Variants in TTN observed in about 807,000 individuals in gnomAD.
The protein encoded by TTN is connectin.
TTN carries 1,525 observed loss-of-function variants against 3,223.0 expected under a neutral mutation model. The observed-to-expected ratio is 0.47, with a 90% CI of 0.45 to 0.49. TTN has a LOEUF of 0.49. Among genes scored for constraint, TTN ranks in the 20% least tolerant of loss-of-function variants. The pLI is 0.00. For synonymous variants in TTN, 14,094 were observed against 15,161.0 expected (o/e 0.93, Z 5.17); for missense variants, 40,786 against 43,424.0 (o/e 0.94, Z 5.40).
Position 178,684,081 on chromosome 2 carries a change from C to G in TTN, c.32724G>C (p.Val10908=). 6.2e-7 allele frequency: 1 copy of G among 1,612,012 alleles called. No homozygotes were observed. Among genetic ancestry groups the G allele is most frequent in the Non-Finnish European group, 8.5e-7 (1 of 1,179,056 alleles). Residue 10908 remains valine, a splice_region_variant and synonymous_variant, in exon 133 of 363, where the codon GTG becomes GTC. Coordinates refer to ENST00000589042, the MANE Select transcript of TTN (RefSeq NM_001267550.2). ...GGACAGCTCTCTTCGGTTCCTCTGGCACTTTAAAGAGAGATTTCACTTTAA... is the reference window on the plus strand; with the variant it reads ...GGACAGCTCTCTTCGGTTCCTCTGGGACTTTAAAGAGAGATTTCACTTTAA... ...TKKEAPPKAR[V]PEEPKRAVPE...
rs764481603 is a variant in TTN at position 178,551,028 on chromosome 2, A to G, written c.91503T>C (p.Ala30501=). The G allele has an allele frequency of 2.5e-6, 4 of 1,613,488 alleles. No homozygotes were observed. Among genetic ancestry groups the G allele is most frequent in the Non-Finnish European group, 3.4e-6 (4 of 1,179,656 alleles). The stretch of plus-strand genomic sequence containing the variant: ...GTGAGGGCGGGCTTATAGTTCCAAC[A>G]GCATTTCTTGCAATTATTCTGAACT... The part of the protein sequence containing the change: ...RYEFRIIARN[A]VGTISPPSQS... The change falls in exon 336 of 363, where the codon GCT becomes GCC. Residue 30501 remains alanine, a synonymous_variant. Coordinates refer to ENST00000589042, the MANE Select transcript of TTN (RefSeq NM_001267550.2).
intron 49 of TTN, among the ~76,000 whole-genome samples, chr2:178,736,889 G>C (rs2081546323): frequency 6.6e-6 from 1 of 152,196 alleles, no homozygotes; most frequent in African/African-American, 2.4e-5. Context: ...TTGTAGAGAA[G>C]AGGAAGCTAT....
At chr2:178,803,634 A>G (rs901381681) in intron 2 of TTN, among the ~76,000 whole-genome samples, 1 of 152,036 alleles carries the variant, frequency 6.6e-6, no homozygotes, top group Non-Finnish European at 1.5e-5. Context: ...TATCTTTATT[A>G]TAAGCCATAA....
chr2:178,761,540 T>G (rs1486601614), intron 43 of TTN, among the ~76,000 whole-genome samples: 1 of 152,208 alleles, frequency 6.6e-6, no homozygotes, highest in Non-Finnish European at 1.5e-5. Context: ...TTTCTCATCA[T>G]AGGATGCCAC....
chr2:178,564,964 A>T lies in TTN; in HGVS notation c.81168T>A (p.Ser27056Arg). 1 of 1,612,212 alleles carries T rather than the reference A, an allele frequency of 6.2e-7. No homozygotes were observed. Among genetic ancestry groups the T allele is most frequent in the Non-Finnish European group, 8.5e-7 (1 of 1,179,088 alleles). Residue 27056 changes from serine to arginine, a missense_variant, in exon 326 of 363, where the codon AGT (serine) becomes AGA (arginine). Coordinates refer to ENST00000589042, the MANE Select transcript of TTN (RefSeq NM_001267550.2). ...RIFAENRYGK[S>R]APLDSKAVIV... ...TAACTGCCTTAGAATCCAGTGGGGC[A>T]CTTTTTCCATACCTGTTTTCAGCAA... is the stretch of plus-strand genomic sequence containing the variant.
Position 178,723,424 on chromosome 2 carries a change from C to T in TTN, c.21676G>A (p.Val7226Met). Reference protein sequence around the residue: ...GQASCTTRLFVKEPAAFLKRL... With the variant: ...GQASCTTRLFMKEPAAFLKRL... Reference sequence around the variant, plus strand: ...TGAATCCACTTGAGCAAACCTTTCACAAAGAGACGGGTAGTGCAAGATGCT... The same window carrying T: ...TGAATCCACTTGAGCAAACCTTTCATAAAGAGACGGGTAGTGCAAGATGCT... The change falls in exon 74 of 363, where the codon GTG becomes ATG. Residue 7226 changes from valine to methionine, a missense_variant. Physicochemically the swap from Val to Met is conservative, Grantham distance 21 (BLOSUM62 1). Coordinates refer to ENST00000589042, the MANE Select transcript of TTN (RefSeq NM_001267550.2). The T allele has an allele frequency of 6.2e-7, 1 of 1,610,348 alleles. No individual in the cohort carries two copies. The highest frequency in any genetic ancestry group is 8.5e-7 in the Non-Finnish European group (1 of 1,177,936).
intron 108 of TTN, 27 bp downstream of exon 108, chr2:178,702,141 G>C: frequency 1.2e-6 from 2 of 1,613,606 alleles, no homozygotes; most frequent in Non-Finnish European, 1.7e-6. Context: ...AAGATGGCAG[G>C]GTGGCTTTCT....
rs72650044 is a variant in TTN at position 178,679,155 on chromosome 2, A to G, written c.33742+184T>C. Among the ~76,000 whole-genome samples the G allele has an allele frequency of 2.5e-3, 386 of 152,142 alleles. 2 individuals are homozygous for G. Among genetic ancestry groups the G allele is most frequent in the South Asian group, 4.1e-3 (20 of 4,826 alleles). On this transcript the variant is annotated intron_variant, in intron 142 of 362. Coordinates refer to ENST00000589042, the MANE Select transcript of TTN (RefSeq NM_001267550.2). ...GAGGAGCCAACCATTGAGCATAAGCATAATTTGATGGTAAAATTCAGAGAT... is the reference window on the plus strand; with the variant it reads ...GAGGAGCCAACCATTGAGCATAAGCGTAATTTGATGGTAAAATTCAGAGAT...
Position 178,682,844 on chromosome 2 carries a change from C to A in TTN, c.32947G>T (p.Val10983Leu). ...AYTLEEEAVS[V>L]QREEEYEEYE... is the part of the protein sequence containing the mutation. ...TCCTCATATTCTTCTTCCCGTTGTA[C>A]TGAAACAGCTTCTTCTTCTAGGGTA... is the stretch of plus-strand genomic sequence containing the variant. Residue 10983 changes from valine (V) to leucine (L), a missense_variant, in exon 135 of 363, where the codon GTA becomes TTA. By Grantham distance (32) the Val-to-Leu change is conservative. Transcript: ENST00000589042. 6 of 1,612,854 alleles carry A rather than the reference C, an allele frequency of 3.7e-6. No homozygotes were observed. The highest frequency in any genetic ancestry group is 5.1e-6 in the Non-Finnish European group (6 of 1,179,244).
At chr2:178,686,218 T>C (rs1399981274) in intron 127 of TTN, among the ~76,000 whole-genome samples, 2 of 138,874 alleles carry the variant, frequency 1.4e-5, no homozygotes, top group East Asian at 2.1e-4. Context: ...CCTCCCGGGT[T>C]CACGCCATTC....
At chr2:178,649,950 C>G in intron 210 of TTN, 56 bp from the exon 211 acceptor site, 1 of 1,551,178 alleles carries the variant, frequency 6.4e-7, no homozygotes. Context: ...AAATTTAATG[C>G]TAATGAATGA....
chr2:178,673,833 T>C (rs1281786832), intron 151 of TTN, 123 bp from the exon 152 acceptor site: 2 of 695,626 alleles, frequency 2.9e-6, no homozygotes, highest in Non-Finnish European at 4.7e-6. Flanking sequence ...GCAACCTAAA[T>C]GGTAATAATA....
chr2:178,561,857 A>T lies in TTN; in HGVS notation c.84275T>A (p.Val28092Asp). 1 of 1,613,684 alleles carries T rather than the reference A, an allele frequency of 6.2e-7. No homozygotes were observed. ...TGTAGAGGTGGTTTCTTTCTTTTCAACAATGTAATTGCTAATTTGGCAGCC... is the reference window on the plus strand; with the variant it reads ...TGTAGAGGTGGTTTCTTTCTTTTCATCAATGTAATTGCTAATTTGGCAGCC... Reference protein sequence around the residue: ...DGGCQISNYIVEKKETTSTTW... With the variant: ...DGGCQISNYIDEKKETTSTTW... The change falls in exon 326 of 363, where the codon GTT becomes GAT. Residue 28092 changes from valine (V) to aspartate (D), a missense_variant. By Grantham distance (152) the Val-to-Asp change is radical. Coordinates refer to ENST00000589042, the MANE Select transcript of TTN (RefSeq NM_001267550.2).
rs1349712346 is a variant in TTN, at chr2:178,756,433, A to AC, written c.11042dup (p.Cys3681TrpfsTer6). 4 of 1,613,704 alleles carry AC rather than the reference A, an allele frequency of 2.5e-6. No individual in the cohort carries two copies. Among genetic ancestry groups the AC allele is most frequent in the East Asian group, 2.2e-5 (1 of 44,830 alleles). On this transcript the variant is annotated frameshift_variant, in exon 46 of 363. Transcript: ENST00000589042. LOFTEE classifies it high-confidence loss of function. ...CAATGAAAGAATCATCTTTTAAAAC[A>AC]CAGAGGAATTGAGCCGTGTCACCGC...
intron 218 of TTN, among the ~76,000 whole-genome samples, chr2:178,643,347 C>T (rs954539347): frequency 2.0e-5 from 3 of 151,720 alleles, no homozygotes; most frequent in Non-Finnish European, 4.4e-5. Context: ...ATATGTATTT[C>T]GTTTTGAATA....
At chr2:178,647,349 A>G (rs965843258) in intron 214 of TTN, 32 bp downstream of exon 214, 9 of 1,546,022 alleles carry the variant, frequency 5.8e-6, no homozygotes, top group Middle Eastern at 1.7e-4. Context: ...GACAATTGTC[A>G]TCTTTCCAAG....
Position 178,561,375 on chromosome 2 carries a change from A to G in TTN, c.84757T>C (p.Cys28253Arg). The G allele has an allele frequency of 1.2e-6, 2 of 1,613,778 alleles. No homozygotes were observed. The highest frequency in any genetic ancestry group is 2.2e-5 in the East Asian group (1 of 44,866). The change falls in exon 326 of 363, where the codon TGT (cysteine) becomes CGT (arginine). Residue 28253 changes from cysteine to arginine, a missense_variant. Cys to Arg is a radical substitution (Grantham distance 180, BLOSUM62 -3). Coordinates refer to ENST00000589042, the MANE Select transcript of TTN (RefSeq NM_001267550.2). ...SCEPVPARDP[C>R]DPPGQPEVTN... ...ACTTCAGGTTGTCCAGGAGGGTCAC[A>G]AGGATCTCTTGCAGGGACTGGTTCA...
Position 178,611,240 on chromosome 2 carries a change from G to C in TTN, c.50889C>G (p.Asp16963Glu). The change falls in exon 270 of 363, where the codon GAC (aspartate) becomes GAG (glutamate). Residue 16963 changes from aspartate (D) to glutamate (E), a missense_variant. Physicochemically the swap from Asp to Glu is conservative, Grantham distance 45 (BLOSUM62 2). Transcript: ENST00000589042. ...ACTTTTCACCTTCAATAACAATAAT[G>C]TCATGAGTCTCCAGGTCAATTGTTG... ...CKPTIDLETH[D>E]IIVIEGEKLS... 1.9e-6 allele frequency: 3 copies of C among 1,612,462 alleles called. No homozygotes were observed. Among genetic ancestry groups the C allele is most frequent in the Non-Finnish European group, 2.5e-6 (3 of 1,179,186 alleles).
intron 24 of TTN, 115 bp downstream of exon 24, chr2:178,778,759 A>C (rs1363972086): frequency 1.0e-5 from 15 of 1,446,756 alleles, no homozygotes; most frequent in African/African-American, 1.4e-5. Context: ...GCCAATGGTA[A>C]GTTTCTGTGC....
Sources: allele counts gnomAD v4.1 joint callset (sites outside exome capture counted in the v4.1 genomes callset), GRCh38; gene constraint gnomAD v4.1.1; transcripts MANE v1.5; gene names NCBI Gene and HGNC (gene_info 2026-07-23, HGNC 2026-07-21).